Variants in DENND5B observed in about 807,000 individuals in gnomAD.
DENND5B encodes DENN domain-containing protein 5B.
DENND5B carries 34 observed loss-of-function variants against 140.6 expected under a neutral mutation model. That is an observed-to-expected ratio of 0.24 (90% confidence interval 0.18 to 0.32). The LOEUF (loss-of-function observed/expected upper bound fraction) is 0.32. DENND5B is among the 10% of genes least tolerant of loss of function. The probability of loss-of-function intolerance (pLI) is 1.00; values close to 1 mark genes in which losing one functional copy is unlikely to be tolerated. For missense variants in DENND5B, 1,142 were observed against 1,560.2 expected (o/e 0.73, Z 4.52); for synonymous variants, 551 against 562.1 (o/e 0.98, Z 0.28).
intron 8 of DENND5B, 188 bp from the exon 9 acceptor site, chr12:31,426,612 T>C: frequency 1.9e-6 from 1 of 535,758 alleles, no homozygotes; most frequent in South Asian, 2.4e-5. Context: ...CCATAACAAC[T>C]GTTAACTCCT....
Position 31,450,011 on chromosome 12 carries a change from G to A in DENND5B, c.1629+1929C>T, listed in dbSNP as rs1043330101. Among the ~76,000 whole-genome samples the A allele has an allele frequency of 5.9e-5, 9 of 152,176 alleles. 1 individual carries two copies. The highest frequency in any genetic ancestry group is 3.9e-4 in the Admixed American group (6 of 15,272). ...CTCCCAAAGTGTTGGGATTACAGGC[G>A]TGAGCCACTGTGCCCAGCCCACAGA... On this transcript the variant is annotated intron_variant, in intron 5 of 20. Coordinates refer to ENST00000389082, the MANE Select transcript of DENND5B (RefSeq NM_144973.4).
At chr12:31,404,718 T>C (rs1177343187) in intron 14 of DENND5B, among the ~76,000 whole-genome samples, 2 of 149,704 alleles carry the variant, frequency 1.3e-5, no homozygotes, top group Non-Finnish European at 3.0e-5. Flanking sequence ...CCTCCCAAAG[T>C]GTTGGGATTC....
chr12:31,495,503 C>T (rs34184789), intron 2 of DENND5B, among the ~76,000 whole-genome samples: 20,306 of 151,582 alleles, frequency 0.13, 1,604 homozygotes, highest in Non-Finnish European at 0.18. Context: ...CTCAGCCTCC[C>T]GAGTAGCTGG....
At chr12:31,429,429 G>C (rs543922396) in intron 8 of DENND5B, among the ~76,000 whole-genome samples, 1 of 152,240 alleles carries the variant, frequency 6.6e-6, no homozygotes, top group South Asian at 2.1e-4. Flanking sequence ...TTTTTCTTGA[G>C]ACGAAGTCTC....
At chr12:31,407,019 C>G (rs536274805) in intron 14 of DENND5B, among the ~76,000 whole-genome samples, 83 of 152,226 alleles carry the variant, frequency 5.5e-4, no homozygotes, top group African/African-American at 2.0e-3. Context: ...ACGTCAGTCT[C>G]GAACTCCTGA....
chr12:31,466,852 A>G (rs1945291153), intron 3 of DENND5B, among the ~76,000 whole-genome samples: 1 of 152,228 alleles, frequency 6.6e-6, no homozygotes, highest in Non-Finnish European at 1.5e-5. Context: ...ATGAACCACA[A>G]GCAGAACAAA....
chr12:31,460,096 G>A, intron 4 of DENND5B, 98 bp downstream of exon 4: 2 of 1,195,940 alleles, frequency 1.7e-6, no homozygotes, highest in African/African-American at 1.5e-5. Flanking sequence ...GAGTCAAAGA[G>A]ACAGATAAAA....
At chr12:31,466,062 C>T (rs145478216) in intron 3 of DENND5B, among the ~76,000 whole-genome samples, 34 of 152,246 alleles carry the variant, frequency 2.2e-4, no homozygotes, top group African/African-American at 7.9e-4. Flanking sequence ...CAGAGACACA[C>T]AGAAAATTGG....
chr12:31,412,123 T>C (rs563082473), intron 13 of DENND5B, among the ~76,000 whole-genome samples: 1 of 152,274 alleles, frequency 6.6e-6, no homozygotes, highest in Admixed American at 6.5e-5. Flanking sequence ...AATTTTTTTA[T>C]TTTTTGTAGA....
chr12:31,487,559 G>A (rs1725337938), intron 2 of DENND5B, among the ~76,000 whole-genome samples: 1 of 151,968 alleles, frequency 6.6e-6, no homozygotes, highest in African/African-American at 2.4e-5. Context: ...AAAATTAGCC[G>A]GGCGTGGTGG....
chr12:31,431,779 C>CA (rs34515544), intron 8 of DENND5B, among the ~76,000 whole-genome samples: 5 of 151,772 alleles, frequency 3.3e-5, no homozygotes, highest in South Asian at 2.1e-4. Flanking sequence ...ATCTAGCACA[C>CA]AAAAAAAATC....
In DENND5B at chr12:31,479,736, G is replaced by T; in HGVS notation, c.757C>A (p.Pro253Thr). 1 of 1,601,974 alleles carries T rather than the reference G, an allele frequency of 6.2e-7. No individual in the cohort carries two copies. Among genetic ancestry groups the T allele is most frequent in the Non-Finnish European group, 8.5e-7 (1 of 1,174,190 alleles). ...GGCCCAGGCCTCTGGCAGATGACAGGTTCATAAACACCATAAAATTTCAGT... is the reference window on the plus strand; with the variant it reads ...GGCCCAGGCCTCTGGCAGATGACAGTTTCATAAACACCATAAAATTTCAGT... ...RSLKFYGVYE[P>T]VICQRPGPSE... The change falls in exon 3 of 21, where the codon CCT (proline) becomes ACT (threonine). Residue 253 changes from proline to threonine, a missense_variant. Around this residue, in one of 5 missense-constraint regions of DENND5B, gnomAD observed 708 missense variants for 905.5 expected, o/e 0.78. Coordinates refer to ENST00000389082, the MANE Select transcript of DENND5B (RefSeq NM_144973.4).
rs555307863 is a variant in DENND5B, at chr12:31,429,155, A to AGCC, written c.2107-2734_2107-2732dup. 8.4e-3 allele frequency among the ~76,000 whole-genome samples: 1,270 copies of AGCC among 150,754 alleles called. 11 individuals are homozygous for AGCC. The highest frequency in any genetic ancestry group is 0.016 in the Admixed American group (235 of 15,114). ...CCAAAGTGCTGAGATTACAGGCGTG[A>AGCC]GCCACCACGCCCGGCTGTAATTTTT... On this transcript the variant is annotated intron_variant, in intron 8 of 20. Coordinates refer to ENST00000389082, the MANE Select transcript of DENND5B (RefSeq NM_144973.4).
intron 3 of DENND5B, among the ~76,000 whole-genome samples, chr12:31,467,907 CAG>C (rs138413551): frequency 6.6e-6 from 1 of 151,516 alleles, no homozygotes; most frequent in Non-Finnish European, 1.5e-5. Context: ...ACATCAAAAA[CAG>C]AGAGAGAGAG....
At position 31,541,184 on chromosome 12, in the gene DENND5B, C is replaced by T. The variant is rs1948672362; in HGVS notation, c.128-45265G>A. On this transcript the variant is annotated intron_variant, in intron 1 of 20. Transcript: ENST00000389082. ...TTGAGTAATACCCCACAAGCACAGG[C>T]AACCAAAGCAAAAATGGACAAATGG... is the stretch of plus-strand genomic sequence containing the variant. Among the ~76,000 whole-genome samples, 5 of 152,230 alleles carry T rather than the reference C, an allele frequency of 3.3e-5. No individual in the cohort carries two copies. The South Asian group carries it at 1.0e-3, about 32-fold the overall frequency.
chr12:31,573,672 C>A (rs1467773826), intron 1 of DENND5B, among the ~76,000 whole-genome samples: 1 of 152,188 alleles, frequency 6.6e-6, no homozygotes, highest in African/African-American at 2.4e-5. Flanking sequence ...CTTCAATGGA[C>A]AATTAAATCT....
chr12:31,422,942 CTTTTT>C (rs369745344), intron 11 of DENND5B, among the ~76,000 whole-genome samples: 9 of 139,908 alleles, frequency 6.4e-5, no homozygotes, highest in Admixed American at 2.2e-4. Flanking sequence ...GTTATAAAAA[CTTTTT>C]TTTTTTTTTT....
At chr12:31,549,195 T>G (rs1948957858) in intron 1 of DENND5B, among the ~76,000 whole-genome samples, 1 of 152,164 alleles carries the variant, frequency 6.6e-6, no homozygotes, top group African/African-American at 2.4e-5. Flanking sequence ...CCACCATGCC[T>G]GGCCAAGTTC....
intron 5 of DENND5B, among the ~76,000 whole-genome samples, chr12:31,450,236 A>C (rs1944452604): frequency 6.6e-6 from 1 of 152,232 alleles, no homozygotes; most frequent in South Asian, 2.1e-4. Flanking sequence ...TACCTTCCTC[A>C]AACTTTGTTA....
Sources: gnomAD v4.1 joint callset for allele counts (sites outside exome capture counted in the v4.1 genomes callset) on GRCh38, gnomAD v4.1.1 for gene constraint, gnomAD v4.1.1 regional missense constraint, MANE v1.5 for transcripts, NCBI Gene and HGNC (gene_info 2026-07-23, HGNC 2026-07-21) for gene names.